FNDC3A: variants seen among roughly 807,000 people sequenced by gnomAD.
The protein encoded by FNDC3A is fibronectin type III domain containing 3A.
FNDC3A carries 32 observed loss-of-function variants against 148.9 expected under a neutral mutation model. That is an observed-to-expected ratio of 0.21 (90% CI 0.16 to 0.29). The LOEUF (loss-of-function observed/expected upper bound fraction) is 0.29. FNDC3A is among the 10% of genes least tolerant of loss of function. FNDC3A has a pLI of 1.00. For missense variants in FNDC3A, 1,191 were observed against 1,452.8 expected (o/e 0.82, Z 2.93); for synonymous variants, 472 against 473.6 (o/e 1.00, Z 0.04).
intron 8 of FNDC3A, among the ~76,000 whole-genome samples, chr13:49,150,102 T>C (rs1883202804): frequency 1.3e-5 from 2 of 152,116 alleles, no homozygotes; most frequent in African/African-American, 2.4e-5. Context: ...TTAGTTCTGT[T>C]CTGATTTTTT....
At chr13:49,008,451 G>A (rs1228812855) in intron 2 of FNDC3A, among the ~76,000 whole-genome samples, 1 of 41,882 alleles carries the variant, frequency 2.4e-5, no homozygotes, top group Non-Finnish European at 4.7e-5. Context: ...AACTGTTCCT[G>A]ACAGATGGAA....
At chr13:49,146,688 G>A (rs1883015234) in intron 8 of FNDC3A, 1 of 152,286 alleles carries the variant, frequency 6.6e-6, no homozygotes. Context: ...AGTGAGCCAA[G>A]ATCGCGTCAT....
chr13:49,181,571 A>G (rs1885305814), intron 14 of FNDC3A, among the ~76,000 whole-genome samples: 1 of 152,200 alleles, frequency 6.6e-6, no homozygotes, highest in South Asian at 2.1e-4. Flanking sequence ...AGGAGCTCAG[A>G]CACTTATTTT....
intron 2 of FNDC3A, among the ~76,000 whole-genome samples, chr13:49,050,050 A>C (rs2137710045): frequency 6.6e-6 from 1 of 152,262 alleles, no homozygotes; most frequent in South Asian, 2.1e-4. Flanking sequence ...TAATCTCACT[A>C]ATGGTCTATC....
chr13:49,069,116 C>A (rs1877473443), intron 2 of FNDC3A, among the ~76,000 whole-genome samples: 1 of 151,930 alleles, frequency 6.6e-6, no homozygotes, highest in Non-Finnish European at 1.5e-5. Flanking sequence ...TTAAGTAAAA[C>A]TCATAATCTT....
intron 3 of FNDC3A, among the ~76,000 whole-genome samples, chr13:49,076,261 T>A (rs746254875): frequency 1.2e-4 from 18 of 152,076 alleles, no homozygotes; most frequent in Non-Finnish European, 2.4e-4. Flanking sequence ...CTTTTTTTTT[T>A]TGAGACAGAA....
At chr13:49,077,438 C>G (rs1438102552) in intron 3 of FNDC3A, among the ~76,000 whole-genome samples, 1 of 152,222 alleles carries the variant, frequency 6.6e-6, no homozygotes, top group African/African-American at 2.4e-5. Context: ...CCCATTTTAC[C>G]TAGGCTGTCC....
chr13:49,100,396 C>T (rs775524203), intron 3 of FNDC3A, among the ~76,000 whole-genome samples: 2 of 152,084 alleles, frequency 1.3e-5, no homozygotes, highest in African/African-American at 2.4e-5. Flanking sequence ...CTTCCTGTCA[C>T]CAGAGCTCAG....
rs773745143 is a variant in FNDC3A at position 49,201,979 on chromosome 13, T to C, written c.3154+13T>C. 7 of 1,469,014 alleles carry C rather than the reference T, an allele frequency of 4.8e-6. No individual in the cohort carries two copies. In the East Asian group the frequency reaches 1.5e-4, roughly 31 times the overall value. 91.0% of individuals were successfully genotyped at this position (1,469,014 alleles called of 1,614,324 possible). ...GCTGCCTTGAAAGGTAAGTTATACA[T>C]CCTGAACTTATTTTCTTTATAATAA... is the stretch of plus-strand genomic sequence containing the variant. On this transcript the variant is annotated intron_variant, in intron 24 of 25. Transcript: ENST00000492622.
intron 7 of FNDC3A, among the ~76,000 whole-genome samples, chr13:49,140,081 C>T (rs191561427): frequency 6.6e-6 from 1 of 152,200 alleles, no homozygotes; most frequent in African/African-American, 2.4e-5. Flanking sequence ...TCACACTTTC[C>T]CAGTCCTTTG....
chr13:49,098,406 A>C (rs761998387), intron 3 of FNDC3A, among the ~76,000 whole-genome samples: 2 of 152,132 alleles, frequency 1.3e-5, no homozygotes, highest in Non-Finnish European at 2.9e-5. Flanking sequence ...AATGTGCTGC[A>C]GTAAATCCTA....
intron 9 of FNDC3A, among the ~76,000 whole-genome samples, chr13:49,167,532 C>G (rs1469196078): frequency 6.6e-6 from 1 of 152,026 alleles, no homozygotes; most frequent in East Asian, 1.9e-4. Context: ...TAGTGAGACC[C>G]TATCTCGACA....
intron 2 of FNDC3A, among the ~76,000 whole-genome samples, chr13:49,028,449 A>G (rs1038963110): frequency 4.6e-5 from 7 of 152,008 alleles, no homozygotes. Flanking sequence ...CTTGTTGCCC[A>G]GGCTGGTCTC....
At chr13:49,199,694 T>C (rs533345284) in intron 23 of FNDC3A, among the ~76,000 whole-genome samples, 26 of 152,222 alleles carry the variant, frequency 1.7e-4, no homozygotes, top group Non-Finnish European at 3.8e-4. Flanking sequence ...GCAGAGATTA[T>C]GTTTCAGTCT....
intron 2 of FNDC3A, among the ~76,000 whole-genome samples, chr13:49,015,100 A>G (rs927907769): frequency 6.6e-6 from 1 of 152,200 alleles, no homozygotes; most frequent in Non-Finnish European, 1.5e-5. Context: ...TAGGTTCCAT[A>G]TGAACTTTAA....
intron 1 of FNDC3A, among the ~76,000 whole-genome samples, chr13:49,004,452 A>G (rs1952184414): frequency 6.6e-6 from 1 of 152,050 alleles, no homozygotes; most frequent in African/African-American, 2.4e-5. Flanking sequence ...AAATTGACCA[A>G]TGGGTTGAAA....
At chr13:49,055,393 A>C (rs570133838) in intron 2 of FNDC3A, among the ~76,000 whole-genome samples, 1 of 152,064 alleles carries the variant, frequency 6.6e-6, no homozygotes, top group East Asian at 1.9e-4. Context: ...TCCAAAGTTA[A>C]CCTGCAAAAT....
At chr13:49,043,459 G>A (rs1875110858) in intron 2 of FNDC3A, among the ~76,000 whole-genome samples, 1 of 152,080 alleles carries the variant, frequency 6.6e-6, no homozygotes, top group African/African-American at 2.4e-5. Flanking sequence ...GTTAGGTGCA[G>A]TGTTCTTTCC....
At chr13:49,052,793 G>T (rs1397866916) in intron 2 of FNDC3A, among the ~76,000 whole-genome samples, 1 of 152,132 alleles carries the variant, frequency 6.6e-6, no homozygotes, top group Admixed American at 6.5e-5. Flanking sequence ...GAGAGATTAC[G>T]ACCATTGTCT....
Sources: allele counts gnomAD v4.1 joint callset (sites outside exome capture counted in the v4.1 genomes callset), GRCh38; gene constraint gnomAD v4.1.1; transcripts MANE v1.5; gene names NCBI Gene and HGNC (gene_info 2026-07-23, HGNC 2026-07-21).